The following MTFR1 variants were observed in gnomAD, a reference collection of about 807,000 sequenced individuals.
MTFR1 encodes chondrocyte protein with a poly-proline region.
In MTFR1, 28 loss-of-function variants were observed where a neutral mutation model predicts 38.8. That is an observed-to-expected ratio of 0.72 (90% confidence interval 0.53 to 0.99). The LOEUF (loss-of-function observed/expected upper bound fraction) is 0.99. Ranked by LOEUF, MTFR1 falls within the 50% of genes least tolerant of loss-of-function variation. The pLI is 0.00. For missense variants in MTFR1, 358 were observed against 395.5 expected (o/e 0.91, Z 0.81); for synonymous variants, 145 against 137.0 (o/e 1.06, Z -0.41).
At chr8:65,774,367 T>G (rs1809198077), downstream of MTFR1, among the ~76,000 whole-genome samples, 1 of 152,194 alleles carries the variant, frequency 6.6e-6, no homozygotes, top group South Asian at 2.1e-4. Context: ...AATGGTTCCC[T>G]CTTTATAATC....
chr8:65,675,370 T>C (rs958125648), intron 2 of MTFR1, among the ~76,000 whole-genome samples: 1 of 151,300 alleles, frequency 6.6e-6, no homozygotes, highest in African/African-American at 2.4e-5. Context: ...CCGAGGCGGG[T>C]GGATCACGAG....
intron 3 of MTFR1, among the ~76,000 whole-genome samples, chr8:65,744,115 G>A (rs999399525): frequency 5.9e-5 from 9 of 152,156 alleles, no homozygotes; most frequent in African/African-American, 9.7e-5. Context: ...TTACAGGCAT[G>A]AGCCACCACG....
At chr8:65,693,843 G>A in intron 4 of MTFR1, 84 bp downstream of exon 4, 2 of 1,014,376 alleles carry the variant, frequency 2.0e-6, no homozygotes, top group South Asian at 2.8e-5. Context: ...ATTTTTAATA[G>A]CCTAATTTTA....
chr8:65,663,822 C>CTTTTTTTT (rs1035579864), intron 1 of MTFR1, among the ~76,000 whole-genome samples: 5 of 78,576 alleles, frequency 6.4e-5, no homozygotes, highest in African/African-American at 1.4e-4. Context: ...AATTTCTTTT[C>CTTTTTTTT]TTTTTTTTTT....
At chr8:65,684,833 C>G (rs1286788529) in intron 3 of MTFR1, among the ~76,000 whole-genome samples, 3 of 151,708 alleles carry the variant, frequency 2.0e-5, no homozygotes, top group Admixed American at 6.6e-5. Flanking sequence ...GGAGAAACCC[C>G]ATGTCTACTA....
At chr8:65,726,908 G>T in intron 3 of MTFR1, 1 of 1,605,662 alleles carries the variant, frequency 6.2e-7, no homozygotes, top group South Asian at 1.1e-5. Context: ...GAATAAGCCT[G>T]ATTCTCTCAA....
At chr8:65,650,925 A>G (rs938574300) in intron 1 of MTFR1, among the ~76,000 whole-genome samples, 4 of 152,168 alleles carry the variant, frequency 2.6e-5, no homozygotes, top group Admixed American at 1.3e-4. Flanking sequence ...CACCAACAGG[A>G]TATGAGGATC....
intron 3 of MTFR1, 88 bp from the exon 4 acceptor site, chr8:65,693,556 G>A: frequency 1.0e-6 from 1 of 995,360 alleles, no homozygotes; most frequent in South Asian, 1.4e-5. Flanking sequence ...TAACACCAGA[G>A]CTGACGATTT....
intron 3 of MTFR1, among the ~76,000 whole-genome samples, chr8:65,748,988 T>G (rs1318799017): frequency 6.6e-6 from 1 of 152,204 alleles, no homozygotes; most frequent in East Asian, 1.9e-4. Context: ...AATATGAACT[T>G]CATTTCCTTA....
chr8:65,682,354 T>A lies in MTFR1; in HGVS notation c.68T>A (p.Val23Glu), dbSNP rs1355993291. The change falls in exon 3 of 8, where the codon GTA becomes GAA. Residue 23 changes from valine (V) to glutamate (E), a missense_variant and splice_region_variant. Coordinates refer to ENST00000262146, the MANE Select transcript of MTFR1 (RefSeq NM_014637.4). ...TTTCGGTTTTTCCTACTTCCTCAGGTACTTTGGTCTAGGAAGCCATATGGT... is the reference window on the plus strand; with the variant it reads ...TTTCGGTTTTTCCTACTTCCTCAGGAACTTTGGTCTAGGAAGCCATATGGT... ...FQQVGVSMQS[V>E]LWSRKPYGSS... is the part of the protein sequence containing the mutation. The A allele has an allele frequency of 2.6e-6, 4 of 1,538,096 alleles. 1 individual carries two copies. In the South Asian group the frequency reaches 5.0e-5, roughly 19 times the overall value.
At chr8:65,732,459 G>C (rs1435735263) in intron 3 of MTFR1, among the ~76,000 whole-genome samples, 1 of 152,222 alleles carries the variant, frequency 6.6e-6, no homozygotes, top group Non-Finnish European at 1.5e-5. Context: ...GATGCTCAAA[G>C]AGTATAAAAC....
At chr8:65,649,948 C>G (rs1374706005) in intron 1 of MTFR1, among the ~76,000 whole-genome samples, 1 of 151,862 alleles carries the variant, frequency 6.6e-6, no homozygotes, top group East Asian at 1.9e-4. Flanking sequence ...AAGCGATTCT[C>G]CTGCCTCAGC....
In MTFR1 at chr8:65,734,263, A is replaced by G. The variant is rs139068714; in HGVS notation, c.*48+14782A>G. ...ACTTCTGTTTCTTTCCCCGAAATGC[A>G]TTCACCACCACATCCTGTTCATTCT... On this transcript the variant is annotated intron_variant, in intron 3 of 3. Transcript: ENST00000521247. Among the ~76,000 whole-genome samples the G allele has an allele frequency of 5.9e-3, 900 of 152,212 alleles. 9 individuals are homozygous for G. The highest frequency in any genetic ancestry group is 0.021 in the African/African-American group (870 of 41,524).
chr8:65,695,218 A>G (rs1805399783), intron 4 of MTFR1, among the ~76,000 whole-genome samples: 6 of 152,386 alleles, frequency 3.9e-5, no homozygotes, highest in Admixed American at 3.9e-4. Context: ...AGTGAGATTC[A>G]TAAGAATTAA....
chr8:65,694,453 T>G (rs190587156), intron 4 of MTFR1, among the ~76,000 whole-genome samples: 208 of 152,278 alleles, frequency 1.4e-3, no homozygotes, highest in Non-Finnish European at 2.2e-3. Flanking sequence ...ACTTGACTAG[T>G]ATTTATAAAG....
intron 3 of MTFR1, among the ~76,000 whole-genome samples, chr8:65,692,824 C>A (rs547567991): frequency 6.6e-6 from 1 of 151,066 alleles, no homozygotes; most frequent in East Asian, 1.9e-4. Context: ...AAACATTGAA[C>A]AAAACAGCTA....
intron 3 of MTFR1, among the ~76,000 whole-genome samples, chr8:65,737,500 T>C (rs1286953531): frequency 6.6e-6 from 1 of 152,182 alleles, no homozygotes; most frequent in Non-Finnish European, 1.5e-5. Flanking sequence ...AAAATGGTTA[T>C]ATTAATTATT....
At chr8:65,689,608 T>G in intron 3 of MTFR1, 1 of 1,271,886 alleles carries the variant, frequency 7.9e-7, no homozygotes. Context: ...CAGTAAGTTG[T>G]CCTTTTCTTT....
intron 3 of MTFR1, among the ~76,000 whole-genome samples, chr8:65,732,304 CAT>C (rs925700450): frequency 1.3e-5 from 2 of 151,972 alleles, no homozygotes; most frequent in African/African-American, 4.8e-5. Context: ...CAGCCACTAA[CAT>C]ATTATTTTGA....
Sources: allele counts gnomAD v4.1 joint callset (sites outside exome capture counted in the v4.1 genomes callset), GRCh38; gene constraint gnomAD v4.1.1; transcripts MANE v1.5; gene names NCBI Gene and HGNC (gene_info 2026-07-23, HGNC 2026-07-21).